The following PLD3 variants were observed in gnomAD, a reference collection of about 807,000 sequenced individuals.
The protein encoded by PLD3 is phospholipase D family member 3.
Under a neutral mutation model 58.4 loss-of-function variants are expected in PLD3, and 31 were observed. That is an observed-to-expected ratio of 0.53 (90% CI 0.40 to 0.72). The LOEUF (loss-of-function observed/expected upper bound fraction) is 0.72, where lower values mean the gene tolerates loss of function less well. Among genes scored for constraint, PLD3 ranks in the 30% least tolerant of loss-of-function variants. PLD3 has a pLI of 0.00. For missense variants in PLD3, 595 were observed against 659.8 expected, an observed-to-expected ratio of 0.90 and a Z score of 1.08; for synonymous variants, 264 against 273.4, an observed-to-expected ratio of 0.97 and a Z score of 0.34.
chr19:40,352,770 C>G (rs546205557), intron 1 of PLD3, among the ~76,000 whole-genome samples: 204 of 152,146 alleles, frequency 1.3e-3, no homozygotes, highest in African/African-American at 4.5e-3. Context: ...CAATAGCAGC[C>G]TGGGCAATGT....
chr19:40,361,295 G>T (rs1337079345), intron 1 of PLD3, among the ~76,000 whole-genome samples: 1 of 151,998 alleles, frequency 6.6e-6, no homozygotes, highest in Admixed American at 6.6e-5. Flanking sequence ...ATTTTTAGTA[G>T]AGACAGGGTT....
Position 40,367,677 on chromosome 19 carries a change from A to T in PLD3, c.246-19A>T. 1 of 1,590,558 alleles carries T rather than the reference A, an allele frequency of 6.3e-7. No individual in the cohort carries two copies. Among genetic ancestry groups the T allele is most frequent in the Non-Finnish European group, 8.6e-7 (1 of 1,162,880 alleles). On this transcript the variant is annotated intron_variant, in intron 5 of 12. Coordinates refer to ENST00000409735, the MANE Select transcript of PLD3 (RefSeq NM_012268.4). ...TGCTCTCCGGCACCGTATGGCTGAT[A>T]GCATCCCCCACCCCCCAGAGCAGTG...
In PLD3 at chr19:40,374,299, C is replaced by T. The variant is rs377380919; in HGVS notation, c.880-182C>T. Among the ~76,000 whole-genome samples, 5 of 152,122 alleles carry T rather than the reference C, an allele frequency of 3.3e-5. No individual in the cohort carries two copies. The East Asian group carries it at 7.7e-4, about 23-fold the overall frequency. ...GTGTGACTTTAAGTAAGTCACTTACCCTCTCTGAGCCTCAGTTTCCTCACA... is the reference window on the plus strand; with the variant it reads ...GTGTGACTTTAAGTAAGTCACTTACTCTCTCTGAGCCTCAGTTTCCTCACA... On this transcript the variant is annotated intron_variant, in intron 9 of 12. Coordinates refer to ENST00000409735, the MANE Select transcript of PLD3 (RefSeq NM_012268.4).
At chr19:40,366,260 T>C in intron 2 of PLD3, 159 bp from the exon 3 acceptor site, 1 of 603,078 alleles carries the variant, frequency 1.7e-6, no homozygotes, top group Non-Finnish European at 3.0e-6. Flanking sequence ...GATTTCGAAA[T>C]CCTGCTGACC....
At chr19:40,361,042 G>A (rs1464410532) in intron 1 of PLD3, among the ~76,000 whole-genome samples, 2 of 152,260 alleles carry the variant, frequency 1.3e-5, no homozygotes, top group East Asian at 1.9e-4. Context: ...CGCACTGTGC[G>A]AGGCCAAGGC....
At chr19:40,372,210 AG>A (rs1273232748) in intron 9 of PLD3, among the ~76,000 whole-genome samples, 3 of 152,118 alleles carry the variant, frequency 2.0e-5, no homozygotes, top group Non-Finnish European at 2.9e-5. Context: ...ATTCAGGCCA[AG>A]TGGGGTGGCT....
chr19:40,351,138 G>C (rs1352003611), intron 1 of PLD3, among the ~76,000 whole-genome samples: 1 of 151,746 alleles, frequency 6.6e-6, no homozygotes, highest in African/African-American at 2.4e-5. Flanking sequence ...CTGAGAGGTG[G>C]GGGGATCGCT....
chr19:40,374,486 G>GC lies in PLD3; in HGVS notation c.890dup (p.Pro298ThrfsTer49). 1 of 1,614,050 alleles carries GC rather than the reference G, an allele frequency of 6.2e-7. No homozygotes were observed. Among genetic ancestry groups the GC allele is most frequent in the Non-Finnish European group, 8.5e-7 (1 of 1,180,004 alleles). ...AACTGTCCCCTCGCCCTCAGAGTGC[G>GC]CCCCCACCCCTGTGTCCAAGTGGCC... On this transcript the variant is annotated frameshift_variant, in exon 10 of 13. Transcript: ENST00000409735. LOFTEE classifies it high-confidence loss of function.
intron 1 of PLD3, among the ~76,000 whole-genome samples, chr19:40,354,959 C>A (rs1358306419): frequency 6.6e-6 from 1 of 150,694 alleles, no homozygotes; most frequent in African/African-American, 2.4e-5. Context: ...TGCCTCAGCC[C>A]CCTCAAGTAG....
At chr19:40,364,907 T>G (rs1242607437) in intron 1 of PLD3, among the ~76,000 whole-genome samples, 1 of 151,718 alleles carries the variant, frequency 6.6e-6, no homozygotes, top group East Asian at 1.9e-4. Context: ...GAGGCCGCAG[T>G]GAGCTATGAT....
chr19:40,378,442 A>G lies in PLD3; in HGVS notation c.*269A>G. 1.7e-6 allele frequency: 1 copy of G among 574,510 alleles called. No homozygotes were observed. The highest frequency in any genetic ancestry group is 3.0e-5 in the East Asian group (1 of 33,200). 35.6% of individuals were successfully genotyped at this position (574,510 alleles called of 1,614,324 possible). A position where few individuals can be genotyped will look rare whatever the true frequency, so the allele number is the denominator to read the frequency against. ...CTGGCCCACCCCCACTTTCCAGGGC[A>G]AAAAGGGCCCAGGGTTATAATAAGT... is the stretch of plus-strand genomic sequence containing the variant. On this transcript the variant is annotated 3_prime_UTR_variant, in exon 13 of 13. Coordinates refer to ENST00000409735, the MANE Select transcript of PLD3 (RefSeq NM_012268.4).
intron 1 of PLD3, among the ~76,000 whole-genome samples, chr19:40,351,883 C>T (rs2078525070): frequency 6.6e-6 from 1 of 152,190 alleles, no homozygotes; most frequent in Non-Finnish European, 1.5e-5. Context: ...CCAGGATCGA[C>T]TAGTGAGAGG....
At chr19:40,351,260 A>C (rs1181927286) in intron 1 of PLD3, among the ~76,000 whole-genome samples, 1 of 150,916 alleles carries the variant, frequency 6.6e-6, no homozygotes, top group Non-Finnish European at 1.5e-5. Context: ...AAACAAAAAA[A>C]CGGCCAGGCG....
At chr19:40,375,575 G>T (rs538598876) in intron 10 of PLD3, among the ~76,000 whole-genome samples, 4 of 150,380 alleles carry the variant, frequency 2.7e-5, no homozygotes. Flanking sequence ...GCTTGAACCC[G>T]GGAGTCGGAG....
At position 40,353,379 on chromosome 19, in the gene PLD3, G is replaced by A. The variant is rs146049696; in HGVS notation, c.-279+4611G>A. Among the ~76,000 whole-genome samples the A allele has an allele frequency of 1.9e-4, 29 of 152,072 alleles. No individual in the cohort carries two copies. In the East Asian group the frequency reaches 5.1e-3, roughly 27 times the overall value. ...TGGAAGATGGAGGTTGCTTTGAGCC[G>A]AGATCCTGCCACTGCACTCCAGTCT... On this transcript the variant is annotated intron_variant, in intron 1 of 12. Transcript: ENST00000409735.
chr19:40,350,696 A>T lies in PLD3; in HGVS notation c.-279+1928A>T, dbSNP rs376850792. On this transcript the variant is annotated intron_variant, in intron 1 of 12. Coordinates refer to ENST00000409735, the MANE Select transcript of PLD3 (RefSeq NM_012268.4). ...GAGGCGGAGGCTGCAGTGAGTTGAG[A>T]TCGCACCACTGCACTCCAGCCTGGG... 3.5e-4 allele frequency among the ~76,000 whole-genome samples: 53 copies of T among 151,560 alleles called. No individual in the cohort carries two copies. The East Asian group carries it at 7.6e-3, about 22-fold the overall frequency.
chr19:40,371,564 G>A (rs1278248855), intron 8 of PLD3, 109 bp from the exon 9 acceptor site: 2 of 666,538 alleles, frequency 3.0e-6, no homozygotes, highest in African/African-American at 1.8e-5. Context: ...AGCTGGGGTG[G>A]AGGGGGTACT....
At chr19:40,363,758 T>C (rs1391859214) in intron 1 of PLD3, among the ~76,000 whole-genome samples, 2 of 152,006 alleles carry the variant, frequency 1.3e-5, no homozygotes, top group Non-Finnish European at 2.9e-5. Context: ...GCATCCCCAT[T>C]TGTCTTCCTG....
intron 1 of PLD3, among the ~76,000 whole-genome samples, chr19:40,364,798 C>CAAAAAAA (rs1171446806): frequency 1.5e-5 from 1 of 67,290 alleles, no homozygotes; most frequent in African/African-American, 5.5e-5. Context: ...ACTGCGTCTC[C>CAAAAAAA]AAAAAAAAAA....
Sources: allele counts gnomAD v4.1 joint callset (sites outside exome capture counted in the v4.1 genomes callset), GRCh38; gene constraint gnomAD v4.1.1; transcripts MANE v1.5; gene names NCBI Gene and HGNC (gene_info 2026-07-23, HGNC 2026-07-21).